PIEZO1: variants seen among roughly 807,000 people sequenced by gnomAD.
The protein encoded by PIEZO1 is piezo-type mechanosensitive ion channel component 1.
In PIEZO1, 296 loss-of-function variants were observed where a neutral mutation model predicts 297.2. That is an observed-to-expected ratio of 1.00 (90% CI 0.91 to 1.10). The LOEUF (loss-of-function observed/expected upper bound fraction) is 1.10. PIEZO1 is among the 50% of genes least tolerant of loss of function. The probability of loss-of-function intolerance (pLI) is 0.00; values close to 1 mark genes in which losing one functional copy is unlikely to be tolerated. For synonymous variants in PIEZO1, 2,427 were observed against 1,507.5 expected (o/e 1.61, Z -14.13); for missense variants, 5,018 against 3,455.5 (o/e 1.45, Z -11.34).
intron 1 of PIEZO1, among the ~76,000 whole-genome samples, chr16:88,757,709 C>T (rs1057026100): frequency 6.6e-6 from 1 of 152,204 alleles, no homozygotes; most frequent in Non-Finnish European, 1.5e-5. Flanking sequence ...GGCTGCGGGC[C>T]GGAGCTGGGC....
At chr16:88,781,226 A>G (rs1473168302) in intron 1 of PIEZO1, among the ~76,000 whole-genome samples, 2 of 152,170 alleles carry the variant, frequency 1.3e-5, no homozygotes, top group African/African-American at 4.8e-5. Flanking sequence ...AGCACAGGAG[A>G]GACACCGCCC....
intron 1 of PIEZO1, among the ~76,000 whole-genome samples, chr16:88,774,445 G>A (rs1019591063): frequency 6.6e-6 from 1 of 152,228 alleles, no homozygotes; most frequent in African/African-American, 2.4e-5. Context: ...ACCCGTGGGT[G>A]CTGAAGGGGA....
intron 2 of PIEZO1, among the ~76,000 whole-genome samples, chr16:88,746,794 C>T (rs1249696829): frequency 6.6e-6 from 1 of 152,250 alleles, no homozygotes; most frequent in Non-Finnish European, 1.5e-5. Context: ...CTGCCTTCCC[C>T]CACTGCTGAT....
In PIEZO1 at chr16:88,726,916, C is replaced by G. The variant is rs1038717929; in HGVS notation, c.3498G>C (p.Leu1166=). ...ACACCACCACCAGCACCAGCCAGAA[C>G]AGGTATCGGAAGACGGCCACCTTCA... is the stretch of plus-strand genomic sequence containing the variant. ...DMLKVAVFRY[L]FWLVLVVVFV... Residue 1166 remains leucine (L), a synonymous_variant, in exon 25 of 51, where the codon CTG becomes CTC. Coordinates refer to ENST00000301015, the MANE Select transcript of PIEZO1 (RefSeq NM_001142864.4). The G allele has an allele frequency of 6.4e-7, 1 of 1,550,484 alleles. No homozygotes were observed. Among genetic ancestry groups the G allele is most frequent in the South Asian group, 1.2e-5 (1 of 84,064 alleles).
chr16:88,765,578 G>A (rs1243218317), intron 1 of PIEZO1, among the ~76,000 whole-genome samples: 1 of 152,184 alleles, frequency 6.6e-6, no homozygotes, highest in African/African-American at 2.4e-5. Flanking sequence ...ACGTGGCCAG[G>A]TGAGCACCTC....
Position 88,725,495 on chromosome 16 carries a change from C to T in PIEZO1, c.4083G>A (p.Gln1361=). ...CCACCCGGCCCTGCCTGTGCTTCTCCTGCTTGGCACGGATACGCTCCATCC... is the reference window on the plus strand; with the variant it reads ...CCACCCGGCCCTGCCTGTGCTTCTCTTGCTTGGCACGGATACGCTCCATCC... ...KRQMERIRAK[Q]EKHRQGRVDR... is the part of the protein sequence containing the mutation. The change falls in exon 29 of 51, where the codon CAG becomes CAA. Residue 1361 remains glutamine (Q), a synonymous_variant. Coordinates refer to ENST00000301015, the MANE Select transcript of PIEZO1 (RefSeq NM_001142864.4). 1.3e-6 allele frequency: 2 copies of T among 1,527,986 alleles called. No homozygotes were observed. Among genetic ancestry groups the T allele is most frequent in the Non-Finnish European group, 1.8e-6 (2 of 1,133,734 alleles). The allele number at this position is 1,527,986 out of a possible 1,614,324, so 94.7% of individuals were successfully genotyped here.
intron 1 of PIEZO1, among the ~76,000 whole-genome samples, chr16:88,775,067 G>A (rs1176238479): frequency 2.0e-5 from 3 of 152,308 alleles, no homozygotes; most frequent in Admixed American, 6.5e-5. Context: ...CAGTGAAGAC[G>A]ACAGAGTTCC....
intron 1 of PIEZO1, among the ~76,000 whole-genome samples, chr16:88,755,658 G>A (rs1425080414): frequency 6.6e-6 from 1 of 152,232 alleles, no homozygotes; most frequent in Non-Finnish European, 1.5e-5. Flanking sequence ...CAGTATCTGG[G>A]GGTTGCTTTG....
At chr16:88,772,579 G>A (rs191975099) in intron 1 of PIEZO1, among the ~76,000 whole-genome samples, 1 of 151,994 alleles carries the variant, frequency 6.6e-6, no homozygotes. Flanking sequence ...AACAGATCAA[G>A]ACCATCCTGG....
chr16:88,727,009 G>A lies in PIEZO1; in HGVS notation c.3455+30C>T, dbSNP rs531279975. 8.4e-6 allele frequency: 13 copies of A among 1,548,694 alleles called. No individual in the cohort carries two copies. In the East Asian group the frequency reaches 2.0e-4, roughly 23 times the overall value. On this transcript the variant is annotated intron_variant, in intron 24 of 50. Transcript: ENST00000301015. ...GCGCCCCGGCCACCCCTCCCAGAAGGTTCCCCGTGGAGGGTGACGTGGAAC... is the reference window on the plus strand; with the variant it reads ...GCGCCCCGGCCACCCCTCCCAGAAGATTCCCCGTGGAGGGTGACGTGGAAC...
chr16:88,727,043 A>G lies in PIEZO1; in HGVS notation c.3451T>C (p.Cys1151Arg), dbSNP rs1447323368. 1.9e-6 allele frequency: 3 copies of G among 1,548,520 alleles called. No individual in the cohort carries two copies. Among genetic ancestry groups the G allele is most frequent in the Non-Finnish European group, 2.6e-6 (3 of 1,145,478 alleles). The change falls in exon 24 of 51, where the codon TGC becomes CGC. Residue 1151 changes from cysteine (C) to arginine (R), a missense_variant. Coordinates refer to ENST00000301015, the MANE Select transcript of PIEZO1 (RefSeq NM_001142864.4). ...GGAGGGTGACGTGGAACCCACCTGC[A>G]GTGGATAAAGTTGGGCACGGGGTTG... ...EPNPVPNFIH[C>R]RSYLDMLKVA...
rs1417395246 is a variant in PIEZO1 at position 88,741,598 on chromosome 16, G to T, written c.345C>A (p.Ile115=). 1 of 1,535,322 alleles carries T rather than the reference G, an allele frequency of 6.5e-7. No homozygotes were observed. The highest frequency in any genetic ancestry group is 1.4e-5 in the African/African-American group (1 of 72,992). The change falls in exon 5 of 51, where the codon ATC becomes ATA. Residue 115 remains isoleucine, a synonymous_variant. Transcript: ENST00000301015. ...IGVTRLDLKD[I]PNAIRLVAPD... ...GGGCCACCAGCCGGATGGCGTTGGG[G>T]ATGTCCTTCAGGTCCAGCCTGCGGA...
At chr16:88,783,660 G>T (rs138402452) in intron 1 of PIEZO1, among the ~76,000 whole-genome samples, 1 of 152,190 alleles carries the variant, frequency 6.6e-6, no homozygotes, top group African/African-American at 2.4e-5. Context: ...TGCACTGGGA[G>T]CAGGTCCCAG....
At chr16:88,763,509 C>T (rs1907023454) in intron 1 of PIEZO1, among the ~76,000 whole-genome samples, 2 of 152,210 alleles carry the variant, frequency 1.3e-5, no homozygotes, top group South Asian at 4.1e-4. Flanking sequence ...AAGGCCTCAT[C>T]CCGATTTAAA....
chr16:88,765,665 CT>C (rs1907142365), intron 1 of PIEZO1, among the ~76,000 whole-genome samples: 1 of 147,698 alleles, frequency 6.8e-6, no homozygotes, highest in Non-Finnish European at 1.5e-5. Context: ...GTCGTTATCT[CT>C]AATTTTTTTT....
Position 88,733,833 on chromosome 16 carries a change from C to A in PIEZO1, c.2329+73G>T, listed in dbSNP as rs555264671. The A allele has an allele frequency of 7.0e-5, 103 of 1,461,148 alleles. No individual in the cohort carries two copies. The Admixed American group carries it at 1.5e-3, about 21-fold the overall frequency. The allele number at this position is 1,461,148 out of a possible 1,614,324, so 90.5% of individuals were successfully genotyped here. ...GAGGCTCTGGAGCCCAGAGGGGACT[C>A]TGCCAACGCCCCCCGAGCTGGGACA... On this transcript the variant is annotated intron_variant, in intron 17 of 50. Coordinates refer to ENST00000301015, the MANE Select transcript of PIEZO1 (RefSeq NM_001142864.4).
chr16:88,737,005 C>T (rs1030824589), intron 10 of PIEZO1: 9 of 373,068 alleles, frequency 2.4e-5, no homozygotes, highest in Admixed American at 4.5e-5. Flanking sequence ...TCCAGCTCTG[C>T]GCACCTGAAG....
chr16:88,724,732 G>A (rs913498393), intron 30 of PIEZO1, among the ~76,000 whole-genome samples: 1 of 152,156 alleles, frequency 6.6e-6, no homozygotes, highest in African/African-American at 2.4e-5. Flanking sequence ...GTGCTGCTGG[G>A]TCCCAGGTGA....
At chr16:88,778,179 A>C (rs148761496) in intron 1 of PIEZO1, among the ~76,000 whole-genome samples, 4,727 of 152,332 alleles carry the variant, frequency 0.031, 123 homozygotes, top group Middle Eastern at 0.082. Context: ...TGTAGCTCAC[A>C]GATGGGCATG....
Sources: allele counts gnomAD v4.1 joint callset (sites outside exome capture counted in the v4.1 genomes callset), GRCh38; gene constraint gnomAD v4.1.1; transcripts MANE v1.5; gene names NCBI Gene and HGNC (gene_info 2026-07-23, HGNC 2026-07-21).